ANKAR: variants seen among roughly 807,000 people sequenced by gnomAD.
ANKAR encodes the protein ankyrin and armadillo repeat-containing protein.
A neutral mutation model predicts 146.2 loss-of-function variants in ANKAR; 136 were observed. The observed-to-expected ratio is 0.93, with a 90% CI of 0.81 to 1.07. The LOEUF (loss-of-function observed/expected upper bound fraction) is 1.07. Among genes scored for constraint, ANKAR ranks in the 50% least tolerant of loss-of-function variants. ANKAR has a pLI of 0.00. For synonymous variants in ANKAR, 500 were observed against 575.8 expected (o/e 0.87, Z 1.88); for missense variants, 1,567 against 1,679.9 (o/e 0.93, Z 1.18).
At position 189,741,452 on chromosome 2, in the gene ANKAR, G is replaced by A. The variant is rs1357070958; in HGVS notation, c.3810+1G>A. The A allele has an allele frequency of 3.8e-6, 6 of 1,583,858 alleles. No homozygotes were observed. The Admixed American group carries it at 9.1e-5, about 24-fold the overall frequency. ...TCATTTGTACTCGGGAATAGAAGAG[G>A]TAAAAACAAGCAAAAACTAATTCTA... On this transcript the variant is annotated splice_donor_variant, in intron 20 of 22. Coordinates refer to ENST00000684021, the MANE Select transcript of ANKAR (RefSeq NM_001378068.1). LOFTEE classifies it high-confidence loss of function.
At chr2:189,760,518 C>T (rs1444751215) in intron 18 of ANKAR, among the ~76,000 whole-genome samples, 2 of 152,196 alleles carry the variant, frequency 1.3e-5, no homozygotes, top group African/African-American at 4.8e-5. Context: ...TCCAGCCCGG[C>T]GCGGTGTCTC....
chr2:189,722,275 G>C (rs1233533854), intron 12 of ANKAR, among the ~76,000 whole-genome samples: 43 of 147,000 alleles, frequency 2.9e-4, no homozygotes, highest in African/African-American at 1.1e-3. Flanking sequence ...AGAGGCGGAG[G>C]TTGCAGTGGG....
Position 189,737,675 on chromosome 2 carries a change from A to G in ANKAR, c.3424-8A>G, listed in dbSNP as rs2042978452. On this transcript the variant is annotated splice_region_variant and splice_polypyrimidine_tract_variant and intron_variant, in intron 17 of 22. Transcript: ENST00000684021. ...GTTCACCATAATGCCTGTTTCTCCTATTTTTAGGATATTTGCTTAAGAGCA... is the reference window on the plus strand; with the variant it reads ...GTTCACCATAATGCCTGTTTCTCCTGTTTTTAGGATATTTGCTTAAGAGCA... 6.3e-7 allele frequency: 1 copy of G among 1,581,640 alleles called. No homozygotes were observed. The highest frequency in any genetic ancestry group is 8.5e-7 in the Non-Finnish European group (1 of 1,171,194).
intron 2 of ANKAR, among the ~76,000 whole-genome samples, chr2:189,688,021 C>G (rs1238864116): frequency 6.6e-6 from 1 of 152,104 alleles, no homozygotes; most frequent in African/African-American, 2.4e-5. Context: ...TGAGGTATTA[C>G]TCAAGAAATC....
rs577477104 is a variant in ANKAR at position 189,704,759 on chromosome 2, CT to C, written c.1709-263del. On this transcript the variant is annotated intron_variant, in intron 7 of 22. Coordinates refer to ENST00000684021, the MANE Select transcript of ANKAR (RefSeq NM_001378068.1). ...TAAATATTTAATATTTTAAATGTTACTCATTTTTCTTTGCTTATAAAAAAAT... is the reference window on the plus strand; with the variant it reads ...TAAATATTTAATATTTTAAATGTTACCATTTTTCTTTGCTTATAAAAAAAT... Among the ~76,000 whole-genome samples, 40 of 149,952 alleles carry C rather than the reference CT, an allele frequency of 2.7e-4. No homozygotes were observed. The East Asian group carries it at 7.2e-3, about 27-fold the overall frequency.
At chr2:189,689,456 A>G (rs2036097985) in intron 2 of ANKAR, 71 bp from the exon 3 acceptor site, 1 of 1,253,300 alleles carries the variant, frequency 8.0e-7, no homozygotes, top group Admixed American at 2.3e-5. Flanking sequence ...CCTGTGTTCA[A>G]TCTTCTGTAT....
intron 18 of ANKAR, among the ~76,000 whole-genome samples, chr2:189,760,366 C>T (rs1056523525): frequency 2.0e-5 from 3 of 152,020 alleles, no homozygotes; most frequent in East Asian, 1.9e-4. Flanking sequence ...TAAGACGGGG[C>T]GGCTGCCGGG....
intron 5 of ANKAR, 83 bp downstream of exon 5, chr2:189,693,260 G>C: frequency 2.3e-6 from 2 of 865,082 alleles, no homozygotes; most frequent in Non-Finnish European, 3.7e-6. Flanking sequence ...AAAATGCAAA[G>C]GTTAATGTAA....
chr2:189,692,547 A>AT, intron 4 of ANKAR, 129 bp downstream of exon 4: 1 of 761,514 alleles, frequency 1.3e-6, no homozygotes, highest in South Asian at 2.2e-5. Flanking sequence ...CAACTCAATA[A>AT]TTTTTTCATA....
chr2:189,744,803 T>G lies in ANKAR; in HGVS notation c.4057+15T>G, dbSNP rs1423145964. 10 of 1,557,264 alleles carry G rather than the reference T, an allele frequency of 6.4e-6. No individual in the cohort carries two copies. Among genetic ancestry groups the G allele is most frequent in the Non-Finnish European group, 8.8e-6 (10 of 1,131,776 alleles). On this transcript the variant is annotated intron_variant, in intron 22 of 22. Coordinates refer to ENST00000684021, the MANE Select transcript of ANKAR (RefSeq NM_001378068.1). ...CTTTAAAAGAGGTAATTGATTTTTC[T>G]TTTATCTATGAAGTACCTTCTAGCC...
At chr2:189,686,156 T>A (rs2035553544) in intron 2 of ANKAR, among the ~76,000 whole-genome samples, 1 of 152,128 alleles carries the variant, frequency 6.6e-6, no homozygotes, top group African/African-American at 2.4e-5. Flanking sequence ...AGAAAAGAGA[T>A]GAATTATAGT....
At chr2:189,691,243 A>G (rs1194263613) in intron 3 of ANKAR, among the ~76,000 whole-genome samples, 1 of 152,148 alleles carries the variant, frequency 6.6e-6, no homozygotes, top group African/African-American at 2.4e-5. Flanking sequence ...TTTAGTAGAG[A>G]CAAGGTTTCA....
chr2:189,748,542 G>T (rs912882979), downstream of ANKAR, among the ~76,000 whole-genome samples: 1 of 152,212 alleles, frequency 6.6e-6, no homozygotes, highest in East Asian at 1.9e-4. Context: ...AAAAATAAGA[G>T]ACCTCTTTAA....
chr2:189,745,027 C>CTACTACTACTACTACTACTAA lies in ANKAR; in HGVS notation c.4057+241_4057+242insCTACTACTACTACTACTAATA, dbSNP rs376824673. 4.0e-4 allele frequency among the ~76,000 whole-genome samples: 52 copies of CTACTACTACTACTACTACTAA among 131,104 alleles called. 1 individual carries two copies. Among genetic ancestry groups the CTACTACTACTACTACTACTAA allele is most frequent in the Middle Eastern group, 7.6e-3 (2 of 262 alleles). 86.0% of individuals were successfully genotyped at this position (131,104 alleles called of 152,430 possible). ...ACTACTACTACTACTACTACTACTACTAATAATACAAAAATTAGCCAGGCA... is the reference window on the plus strand; with the variant it reads ...ACTACTACTACTACTACTACTACTACTACTACTACTACTACTACTAATAATAATACAAAAATTAGCCAGGCA... On this transcript the variant is annotated intron_variant, in intron 22 of 22. Transcript: ENST00000684021.
intron 17 of ANKAR, 66 bp from the exon 18 acceptor site, chr2:189,737,615 TAA>T (rs927710862): frequency 2.1e-6 from 3 of 1,412,530 alleles, no homozygotes; most frequent in African/African-American, 1.5e-5. Flanking sequence ...AGCAAGAACT[TAA>T]AGTCTATTAT....
At chr2:189,748,531 A>G (rs1389640169), downstream of ANKAR, among the ~76,000 whole-genome samples, 1 of 152,246 alleles carries the variant, frequency 6.6e-6, no homozygotes, top group Non-Finnish European at 1.5e-5. Flanking sequence ...CTTAACCACT[A>G]AAAAATAAGA....
downstream of ANKAR, among the ~76,000 whole-genome samples, chr2:189,749,244 T>TAAA (rs397987026): frequency 0.016 from 1,021 of 63,152 alleles, 37 homozygotes; most frequent in Admixed American, 0.037. Flanking sequence ...AGACTCTGTC[T>TAAA]AAAAAAAAAA....
chr2:189,762,769 C>A (rs570368325), downstream of ANKAR: 1 of 985,522 alleles, frequency 1.0e-6, no homozygotes, highest in Non-Finnish European at 1.2e-6. Context: ...AGGAGAAAGC[C>A]CGAACCTGGC....
At chr2:189,760,111 G>A (rs924388370) in intron 18 of ANKAR, among the ~76,000 whole-genome samples, 8 of 152,256 alleles carry the variant, frequency 5.3e-5, no homozygotes, top group Admixed American at 1.3e-4. Context: ...AAGGCAGAAG[G>A]ATTTTTCTTA....
Sources: gnomAD v4.1 joint callset for allele counts (sites outside exome capture counted in the v4.1 genomes callset) on GRCh38, gnomAD v4.1.1 for gene constraint, MANE v1.5 for transcripts, NCBI Gene and HGNC (gene_info 2026-07-23, HGNC 2026-07-21) for gene names.